MYO15A: variants seen among roughly 807,000 people sequenced by gnomAD.
MYO15A encodes the protein unconventional myosin-XV.
MYO15A carries 308 observed loss-of-function variants against 394.6 expected under a neutral mutation model. The ratio of observed to expected loss-of-function variants is 0.78; its 90% CI spans 0.71 to 0.86. MYO15A has a LOEUF of 0.86. MYO15A is among the 40% of genes least tolerant of loss of function. The pLI is 0.00. For missense variants in MYO15A, 4,606 were observed against 4,799.1 expected (o/e 0.96, Z 1.19); for synonymous variants, 1,957 against 2,003.8 (o/e 0.98, Z 0.62).
At chr17:18,161,510 G>A in intron 57 of MYO15A, 63 bp downstream of exon 57, 1 of 1,605,004 alleles carries the variant, frequency 6.2e-7, no homozygotes, top group Non-Finnish European at 8.5e-7. Context: ...TGGGTGGACA[G>A]CTGGTGGGAG....
At position 18,157,209 on chromosome 17, in the gene MYO15A, C is replaced by A; in HGVS notation, c.8767C>A (p.Arg2923=). The A allele has an allele frequency of 6.8e-6, 11 of 1,608,288 alleles. No individual in the cohort carries two copies. Among genetic ancestry groups the A allele is most frequent in the Non-Finnish European group, 9.3e-6 (11 of 1,177,378 alleles). The change falls in exon 50 of 66, where the codon CGA becomes AGA. Residue 2923 remains arginine (R), a synonymous_variant. Coordinates refer to ENST00000647165, the MANE Select transcript of MYO15A (RefSeq NM_016239.4). The stretch of plus-strand genomic sequence containing the variant: ...GAAGGTGGTGTACCTGGAGGAGCTG[C>A]GACGTAGAGGCCCCGACTTTGGTGT... The part of the protein sequence containing the change: ...RRKVVYLEEL[R]RRGPDFGWRF...
intron 24 of MYO15A, among the ~76,000 whole-genome samples, 199 bp from the exon 25 acceptor site, chr17:18,142,557 C>T (rs564183793): frequency 4.2e-4 from 64 of 152,336 alleles, no homozygotes; most frequent in African/African-American, 1.5e-3. Flanking sequence ...TTAATCCAGG[C>T]CTTGCTACTT....
In MYO15A at chr17:18,122,145, T is replaced by C. The variant is rs761174310; in HGVS notation, c.3345T>C (p.Ala1115=). ...GCCAGGCAGCCCCTGGGCGTTTTGC[T>C]GTGGTCATGCCTCGTGTGCAGAAGC... The part of the protein sequence containing the change: ...ERRQAAPGRF[A]VVMPRVQKLS... Residue 1115 remains alanine (A), a synonymous_variant, in exon 2 of 66, where the codon GCT becomes GCC. Coordinates refer to ENST00000647165, the MANE Select transcript of MYO15A (RefSeq NM_016239.4). 10 of 1,612,950 alleles carry C rather than the reference T, an allele frequency of 6.2e-6. No individual in the cohort carries two copies. In the Admixed American group the frequency reaches 8.3e-5, roughly 13 times the overall value.
intron 3 of MYO15A, 40 bp downstream of exon 3, chr17:18,124,605 A>G (rs1263105391): frequency 5.6e-6 from 9 of 1,600,722 alleles, no homozygotes; most frequent in Non-Finnish European, 7.7e-6. Context: ...AGGGGTCACC[A>G]TGGGGTCCCC....
chr17:18,122,339 G>A lies in MYO15A; in HGVS notation c.3539G>A (p.Gly1180Asp). The A allele has an allele frequency of 1.9e-6, 3 of 1,612,928 alleles. No homozygotes were observed. The highest frequency in any genetic ancestry group is 2.5e-6 in the Non-Finnish European group (3 of 1,179,998). Residue 1180 changes from glycine (G) to aspartate (D), a missense_variant, in exon 2 of 66, where the codon GGC (glycine) becomes GAC (aspartate). This residue lies in a region of MYO15A where 2,776 missense variants were observed against 3,109.3 expected (regional missense o/e 0.89). Transcript: ENST00000647165. ...ACCCATCCCCAGTCCTGCCACCTGG[G>A]CCCTGGAGCTGCCTGCCTGTCCCTT... ...VHTHPQSCHL[G>D]PGAACLSLRG...
chr17:18,159,834 C>T (rs1195338537), intron 55 of MYO15A, 101 bp from the exon 56 acceptor site: 1 of 1,465,532 alleles, frequency 6.8e-7, no homozygotes, highest in South Asian at 1.2e-5. Flanking sequence ...GGGAAAGGGA[C>T]ACCAGGCCTG....
chr17:18,137,783 C>A, intron 16 of MYO15A, 104 bp downstream of exon 16: 1 of 1,254,772 alleles, frequency 8.0e-7, no homozygotes, highest in Non-Finnish European at 1.1e-6. Context: ...ATTCTGACAT[C>A]AGTAGACAGT....
chr17:18,162,773 G>A (rs554642566), intron 58 of MYO15A, 94 bp downstream of exon 58: 42 of 1,311,834 alleles, frequency 3.2e-5, no homozygotes, highest in South Asian at 2.9e-4. Flanking sequence ...GCTGAGGCGG[G>A]CAGATCACCT....
intron 24 of MYO15A, 80 bp from the exon 25 acceptor site, chr17:18,142,676 C>A: frequency 8.0e-7 from 1 of 1,253,012 alleles, no homozygotes; most frequent in Non-Finnish European, 1.2e-6. Context: ...CCAGGCCAGG[C>A]TGGCAAGGGC....
chr17:18,115,480 T>C (rs1294170686), intron 1 of MYO15A, among the ~76,000 whole-genome samples: 1 of 152,092 alleles, frequency 6.6e-6, no homozygotes, highest in African/African-American at 2.4e-5. Context: ...TAGCTGGGCG[T>C]GGCGGTGTGT....
chr17:18,119,812 C>G lies in MYO15A; in HGVS notation c.1012C>G (p.Pro338Ala). 1 of 1,613,166 alleles carries G rather than the reference C, an allele frequency of 6.2e-7. No individual in the cohort carries two copies. The highest frequency in any genetic ancestry group is 1.1e-5 in the South Asian group (1 of 91,086). ...YHDGYEGEAH[P>A]YGYYLDPYAP... ...CGATGGGTACGAGGGCGAGGCGCACCCTTATGGCTACTACCTGGATCCCTA... is the reference window on the plus strand; with the variant it reads ...CGATGGGTACGAGGGCGAGGCGCACGCTTATGGCTACTACCTGGATCCCTA... Residue 338 changes from proline (P) to alanine (A), a missense_variant, in exon 2 of 66, where the codon CCT becomes GCT. This residue lies in a region of MYO15A where 1,830 missense variants were observed against 1,689.7 expected (regional missense o/e 1.08). Transcript: ENST00000647165.
chr17:18,115,598 G>A (rs2045773890), intron 1 of MYO15A, among the ~76,000 whole-genome samples: 1 of 151,882 alleles, frequency 6.6e-6, no homozygotes, highest in Non-Finnish European at 1.5e-5. Flanking sequence ...AGCCTGAGCA[G>A]CACAGCGAGA....
chr17:18,141,880 A>G (rs906043813), intron 23 of MYO15A, 110 bp downstream of exon 23: 3 of 1,288,216 alleles, frequency 2.3e-6, no homozygotes, highest in Admixed American at 1.7e-5. Context: ...AGCAACCCAG[A>G]TGAGCTTGGG....
chr17:18,149,278 A>T lies in MYO15A; in HGVS notation c.7019A>T (p.His2340Leu). The T allele has an allele frequency of 6.2e-7, 1 of 1,614,016 alleles. No individual in the cohort carries two copies. The highest frequency in any genetic ancestry group is 1.1e-5 in the South Asian group (1 of 91,060). ...TCCACTAGACCCCAGCCCCAGGAGCACATGCCCAAAGTACTTGACTCTGAT... is the reference window on the plus strand; with the variant it reads ...TCCACTAGACCCCAGCCCCAGGAGCTCATGCCCAAAGTACTTGACTCTGAT... ...DMSTRPQPQEHMPKVLDSDGY... is the reference protein window; with the variant it reads ...DMSTRPQPQELMPKVLDSDGY... The change falls in exon 34 of 66, where the codon CAC (histidine) becomes CTC (leucine). Residue 2340 changes from histidine to leucine, a missense_variant. Physicochemically the swap from His to Leu is moderately conservative, Grantham distance 99 (BLOSUM62 -3). This residue lies in a region of MYO15A where 2,776 missense variants were observed against 3,109.3 expected (regional missense o/e 0.89). Transcript: ENST00000647165.
chr17:18,118,851 G>C lies in MYO15A; in HGVS notation c.51G>C (p.Gly17=), dbSNP rs754753822. 17 of 1,612,388 alleles carry C rather than the reference G, an allele frequency of 1.1e-5. No homozygotes were observed. In the South Asian group the frequency reaches 1.9e-4, roughly 18 times the overall value. Residue 17 remains glycine, a synonymous_variant, in exon 2 of 66, where the codon GGG becomes GGC. Transcript: ENST00000647165. ...EEKKAKKGKK[G]KKAPEPEKPK... ...AGAAAGCCAAGAAAGGGAAGAAGGG[G>C]AAGAAGGCACCGGAGCCGGAGAAGC...
chr17:18,126,921 G>A (rs2046055514), intron 6 of MYO15A, 56 bp downstream of exon 6: 1 of 1,608,064 alleles, frequency 6.2e-7, no homozygotes, highest in African/African-American at 1.3e-5. Context: ...TAGCAGGCCT[G>A]CATCTGGCCA....
Position 18,148,337 on chromosome 17 carries a change from T to A in MYO15A, c.6691+127T>A. On this transcript the variant is annotated intron_variant, in intron 31 of 65. Coordinates refer to ENST00000647165, the MANE Select transcript of MYO15A (RefSeq NM_016239.4). The surrounding 1 kb of genome is among the most constrained non-coding windows in gnomAD (Gnocchi z 4.8). The stretch of plus-strand genomic sequence containing the variant: ...GGGCCTTCTCAGATGTGGCTCTGCG[T>A]GAAAGTCTGTGTGTGGGGGTGGGAC... 1 of 1,471,308 alleles carries A rather than the reference T, an allele frequency of 6.8e-7. No individual in the cohort carries two copies. Among genetic ancestry groups the A allele is most frequent in the Non-Finnish European group, 9.2e-7 (1 of 1,081,416 alleles). 91.1% of individuals were successfully genotyped at this position (1,471,308 alleles called of 1,614,324 possible).
In MYO15A at chr17:18,153,958, A is replaced by G. The variant is rs712271; in HGVS notation, c.8088+62A>G. ...GCGGGGCAGGGGAGGGGCTGAAGCG[A>G]GCAGAGGAGGGTCTAGGACTTGGGG... On this transcript the variant is annotated intron_variant, in intron 43 of 65. Transcript: ENST00000647165. The surrounding 1 kb of genome is among the most constrained non-coding windows in gnomAD (Gnocchi z 4.1). The G allele has an allele frequency of 0.73, 1,179,978 of 1,610,796 alleles. 434,921 individuals are homozygous for G. Among genetic ancestry groups the G allele is most frequent in the African/African-American group, 0.8 (59,715 of 74,892 alleles).
At chr17:18,167,791 C>T (rs760194111) in intron 62 of MYO15A, 68 bp downstream of exon 62, 78 of 1,592,410 alleles carry the variant, frequency 4.9e-5, no homozygotes, top group Non-Finnish European at 6.4e-5. Flanking sequence ...CCACCTCCAC[C>T]CTCCTCAGAG....
Sources: gnomAD v4.1 joint callset for allele counts (sites outside exome capture counted in the v4.1 genomes callset) on GRCh38, gnomAD v4.1.1 for gene constraint, gnomAD v4.1.1 regional missense constraint, Gnocchi (gnomAD v3.1) non-coding constraint, MANE v1.5 for transcripts, NCBI Gene and HGNC (gene_info 2026-07-23, HGNC 2026-07-21) for gene names.